PTPRD: variants seen among roughly 807,000 people sequenced by gnomAD.
PTPRD encodes the protein protein tyrosine phosphatase receptor type D.
Under a neutral mutation model 214.5 loss-of-function variants are expected in PTPRD, and 34 were observed. The observed-to-expected ratio is 0.16, with a 90% CI of 0.12 to 0.21. The LOEUF (loss-of-function observed/expected upper bound fraction) is 0.21. Ranked by LOEUF, PTPRD falls within the 10% of genes least tolerant of loss-of-function variation. PTPRD has a pLI of 1.00. For missense variants in PTPRD, 2,545 were observed against 2,398.7 expected (o/e 1.06, Z -1.27); for synonymous variants, 1,128 against 845.7 (o/e 1.33, Z -5.79).
At chr9:10,482,229 G>C (rs1031754886) in intron 2 of PTPRD, among the ~76,000 whole-genome samples, 2 of 151,826 alleles carry the variant, frequency 1.3e-5, no homozygotes, top group African/African-American at 4.8e-5. Context: ...AAATTAGCCG[G>C]GCGTGGTGGC....
At chr9:10,177,196 CTCAG>C (rs1428858316) in intron 3 of PTPRD, among the ~76,000 whole-genome samples, 1 of 151,824 alleles carries the variant, frequency 6.6e-6, no homozygotes, top group African/African-American at 2.4e-5. Context: ...TGCATTTAAA[CTCAG>C]TCCAAGGATG....
chr9:8,455,727 G>A (rs888879763), intron 33 of PTPRD, among the ~76,000 whole-genome samples: 8 of 152,186 alleles, frequency 5.3e-5, no homozygotes, highest in Non-Finnish European at 5.9e-5. Context: ...GATTTACGTA[G>A]TGTGCCAGGT....
chr9:9,827,710 A>G (rs560219091), intron 5 of PTPRD, among the ~76,000 whole-genome samples: 18 of 152,170 alleles, frequency 1.2e-4, no homozygotes, highest in South Asian at 8.3e-4. Context: ...TATCATCAGA[A>G]TGAACAGAAA....
chr9:9,164,045 A>G (rs537053041), intron 10 of PTPRD, among the ~76,000 whole-genome samples: 1 of 152,198 alleles, frequency 6.6e-6, no homozygotes, highest in African/African-American at 2.4e-5. Flanking sequence ...CATAACACCT[A>G]TCATGCTTTA....
chr9:8,867,939 T>C (rs2154547024), intron 11 of PTPRD, among the ~76,000 whole-genome samples: 1 of 152,274 alleles, frequency 6.6e-6, no homozygotes, highest in African/African-American at 2.4e-5. Flanking sequence ...TTGTTGAACT[T>C]AATGAAAACT....
At chr9:10,313,397 T>TACACACACACACACACACACACACACAC (rs60788124) in intron 3 of PTPRD, among the ~76,000 whole-genome samples, 59 of 148,446 alleles carry the variant, frequency 4.0e-4, no homozygotes, top group African/African-American at 1.3e-3. Context: ...AGGTACAGAT[T>TACACACACACACACACACACACACACAC]ACACACACAC....
intron 14 of PTPRD, among the ~76,000 whole-genome samples, chr9:8,600,228 G>T (rs984992514): frequency 6.6e-6 from 1 of 152,186 alleles, no homozygotes; most frequent in African/African-American, 2.4e-5. Context: ...CTAGCCAGAC[G>T]GAGGGGATTG....
intron 11 of PTPRD, among the ~76,000 whole-genome samples, chr9:8,898,789 A>G (rs1264650640): frequency 1.3e-5 from 2 of 152,198 alleles, no homozygotes; most frequent in Admixed American, 6.5e-5. Context: ...AGGACCATGC[A>G]TATCAGACAG....
At chr9:10,153,530 A>T (rs1273879928) in intron 3 of PTPRD, among the ~76,000 whole-genome samples, 1 of 151,174 alleles carries the variant, frequency 6.6e-6, no homozygotes, top group Non-Finnish European at 1.5e-5. Context: ...TATGTTGCTA[A>T]TATGATGAAT....
At chr9:9,669,833 T>A (rs1346564390) in intron 7 of PTPRD, among the ~76,000 whole-genome samples, 1 of 152,100 alleles carries the variant, frequency 6.6e-6, no homozygotes, top group Non-Finnish European at 1.5e-5. Context: ...TATCAGCAAA[T>A]TTAGATAGTG....
intron 39 of PTPRD, among the ~76,000 whole-genome samples, chr9:8,372,130 A>G (rs2081739301): frequency 1.3e-5 from 2 of 152,096 alleles, no homozygotes; most frequent in Non-Finnish European, 2.9e-5. Context: ...TCTCACTGAG[A>G]AAAGTCTCAT....
chr9:9,083,240 T>C (rs1172376065), intron 10 of PTPRD, among the ~76,000 whole-genome samples: 1 of 152,026 alleles, frequency 6.6e-6, no homozygotes, highest in East Asian at 1.9e-4. Flanking sequence ...GCCGCAGAAA[T>C]AACACCACAC....
intron 3 of PTPRD, among the ~76,000 whole-genome samples, chr9:10,134,400 C>T (rs1043041767): frequency 6.6e-6 from 1 of 152,118 alleles, no homozygotes; most frequent in East Asian, 1.9e-4. Context: ...CCCGGCTGAC[C>T]ACCAACTTCC....
At chr9:9,284,910 A>G (rs752990911) in intron 9 of PTPRD, among the ~76,000 whole-genome samples, 4 of 151,818 alleles carry the variant, frequency 2.6e-5, no homozygotes, top group Non-Finnish European at 5.9e-5. Flanking sequence ...ATAGATGCTC[A>G]TTAAGTGTTA....
At chr9:9,879,584 T>A (rs1313891615) in intron 5 of PTPRD, among the ~76,000 whole-genome samples, 1 of 152,188 alleles carries the variant, frequency 6.6e-6, no homozygotes, top group Non-Finnish European at 1.5e-5. Flanking sequence ...AATTATATAT[T>A]TTTTTCCAAC....
chr9:10,174,627 A>T (rs969534383), intron 3 of PTPRD, among the ~76,000 whole-genome samples: 36 of 152,086 alleles, frequency 2.4e-4, no homozygotes, highest in Middle Eastern at 6.8e-3. Context: ...TGGAATTTAA[A>T]TTTTTTTACA....
intron 8 of PTPRD, among the ~76,000 whole-genome samples, chr9:9,462,279 T>A (rs1356672009): frequency 1.3e-5 from 2 of 152,126 alleles, no homozygotes; most frequent in Non-Finnish European, 2.9e-5. Context: ...CTAGAGTTAA[T>A]AGTAATTTCT....
chr9:10,535,154 G>A (rs1473713110), intron 2 of PTPRD, among the ~76,000 whole-genome samples: 1 of 152,048 alleles, frequency 6.6e-6, no homozygotes, highest in East Asian at 1.9e-4. Context: ...TGGAGAATAT[G>A]TTTTATAAAC....
At chr9:10,278,010 A>G (rs1018220216) in intron 3 of PTPRD, among the ~76,000 whole-genome samples, 4 of 151,992 alleles carry the variant, frequency 2.6e-5, no homozygotes, top group Admixed American at 6.6e-5. Flanking sequence ...AATACAAAAA[A>G]TTGGCCGGGT....
Sources: allele counts gnomAD v4.1 joint callset (sites outside exome capture counted in the v4.1 genomes callset), GRCh38; gene constraint gnomAD v4.1.1; transcripts MANE v1.5; gene names NCBI Gene and HGNC (gene_info 2026-07-23, HGNC 2026-07-21).